Variants in TMEM63A observed in about 807,000 individuals in gnomAD.
The protein encoded by TMEM63A is mechanosensitive cation channel TMEM63A.
In TMEM63A, 76 loss-of-function variants were observed where a neutral mutation model predicts 100.6. That is an observed-to-expected ratio of 0.76 (90% CI 0.63 to 0.91). The LOEUF (loss-of-function observed/expected upper bound fraction) is 0.91, where lower values mean the gene tolerates loss of function less well. Ranked by LOEUF, TMEM63A falls within the 40% of genes least tolerant of loss-of-function variation. TMEM63A has a pLI of 0.00. For synonymous variants in TMEM63A, 401 were observed against 401.1 expected (o/e 1.00, Z 0.00); for missense variants, 876 against 1,008.8 (o/e 0.87, Z 1.78).
In TMEM63A at chr1:225,866,192, C is replaced by G; in HGVS notation, c.676-225G>C. 7.1e-6 allele frequency: 4 copies of G among 564,570 alleles called. No individual in the cohort carries two copies. In the South Asian group the frequency reaches 8.2e-5, roughly 12 times the overall value. The allele number at this position is 564,570 out of a possible 1,614,324, so 35.0% of individuals were successfully genotyped here. A position where few individuals can be genotyped will look rare whatever the true frequency, so the allele number is the denominator to read the frequency against. ...CTTCCAAAGCAACTCTATGAGCCTT[C>G]TTTGCATGGCAGGAGACTGAGAAAG... On this transcript the variant is annotated intron_variant, in intron 9 of 24. Transcript: ENST00000366835.
intron 3 of TMEM63A, among the ~76,000 whole-genome samples, chr1:225,876,364 C>A (rs547064519): frequency 6.6e-6 from 1 of 152,198 alleles, no homozygotes; most frequent in East Asian, 1.9e-4. Flanking sequence ...TAGTCTCCAG[C>A]TCCAAGCAGT....
At chr1:225,844,042 G>A (rs1158274401), downstream of TMEM63A, among the ~76,000 whole-genome samples, 2 of 152,014 alleles carry the variant, frequency 1.3e-5, no homozygotes, top group Non-Finnish European at 2.9e-5. Flanking sequence ...GGCTAGGTTT[G>A]GATTCTCCAC....
downstream of TMEM63A, among the ~76,000 whole-genome samples, chr1:225,844,047 C>T (rs1219389195): frequency 6.6e-6 from 1 of 152,086 alleles, no homozygotes; most frequent in Admixed American, 6.6e-5. Context: ...GGTTTGGATT[C>T]TCCACTTAAT....
chr1:225,872,640 C>T (rs1392038247), intron 4 of TMEM63A, among the ~76,000 whole-genome samples: 4 of 151,216 alleles, frequency 2.6e-5, no homozygotes, highest in East Asian at 1.9e-4. Flanking sequence ...ACACCCCATG[C>T]GCTATAAATC....
At chr1:225,873,629 G>A (rs1670630619) in intron 4 of TMEM63A, among the ~76,000 whole-genome samples, 1 of 152,192 alleles carries the variant, frequency 6.6e-6, no homozygotes, top group South Asian at 2.1e-4. Flanking sequence ...CAGGCGACAT[G>A]AACAGAGAAT....
rs200525950 is a variant in TMEM63A at position 225,867,343 on chromosome 1, T to C, written c.515-180A>G. 1.7e-3 allele frequency among the ~76,000 whole-genome samples: 255 copies of C among 152,212 alleles called. 1 individual carries two copies. Among genetic ancestry groups the C allele is most frequent in the Non-Finnish European group, 2.8e-3 (193 of 67,998 alleles). On this transcript the variant is annotated intron_variant, in intron 7 of 24. Transcript: ENST00000366835. The surrounding 1 kb of genome is among the most constrained non-coding windows in gnomAD (Gnocchi z 4.6). ...TCAAGGCCTCTGCTTGAAACCAAAA[T>C]GCTCCCTGATAACTTCTCAACCTTC...
chr1:225,844,327 A>G (rs1327786703), downstream of TMEM63A, among the ~76,000 whole-genome samples: 2 of 152,152 alleles, frequency 1.3e-5, no homozygotes, highest in African/African-American at 4.8e-5. Flanking sequence ...GCTCCAGTCT[A>G]GTGCCCTGGG....
At chr1:225,851,040 G>C (rs2102818955) in intron 20 of TMEM63A, among the ~76,000 whole-genome samples, 1 of 152,186 alleles carries the variant, frequency 6.6e-6, no homozygotes, top group South Asian at 2.1e-4. Context: ...CGCTGGGTCA[G>C]GGTCTGTGGG....
At chr1:225,874,150 C>A in intron 4 of TMEM63A, 138 bp downstream of exon 4, 1 of 798,550 alleles carries the variant, frequency 1.3e-6, no homozygotes, top group Non-Finnish European at 1.9e-6. Context: ...GCTTCATAAG[C>A]CCCTAGCCCA....
At chr1:225,877,663 C>T (rs927770877) in intron 2 of TMEM63A, 69 bp from the exon 3 acceptor site, 14 of 1,458,608 alleles carry the variant, frequency 9.6e-6, no homozygotes, top group Non-Finnish European at 1.3e-5. Context: ...CCCACCAGTG[C>T]TGGCAGAGCC....
intron 13 of TMEM63A, 114 bp from the exon 14 acceptor site, chr1:225,861,111 TTGTGA>T: frequency 8.2e-7 from 1 of 1,218,172 alleles, no homozygotes; most frequent in South Asian, 1.6e-5. Context: ...CTTTGCTTTG[TTGTGA>T]TTAGTGTATT....
intron 9 of TMEM63A, 120 bp downstream of exon 9, chr1:225,866,454 C>G (rs1382794368): frequency 3.8e-6 from 3 of 799,310 alleles, no homozygotes; most frequent in Non-Finnish European, 6.1e-6. Flanking sequence ...AAGCGGGGCT[C>G]CTGAGGCCCT....
At position 225,845,712 on chromosome 1, in the gene TMEM63A, A is replaced by G. The variant is rs1036642942; in HGVS notation, c.*1227T>C. 4 of 353,620 alleles carry G rather than the reference A, an allele frequency of 1.1e-5. No homozygotes were observed. The highest frequency in any genetic ancestry group is 2.1e-5 in the Non-Finnish European group (4 of 186,258). 21.9% of individuals were successfully genotyped at this position (353,620 alleles called of 1,614,324 possible). The stretch of plus-strand genomic sequence containing the variant: ...GCCAGGGCTATGCTGCACCAGACCA[A>G]TGGCACCGCCCCCACCCCTCCCAGC... On this transcript the variant is annotated 3_prime_UTR_variant, in exon 25 of 25. Transcript: ENST00000366835.
rs1670224084 is a variant in TMEM63A, at chr1:225,866,591, A to G, written c.658T>C (p.Tyr220His). The change falls in exon 9 of 25, where the codon TAC becomes CAC. Residue 220 changes from tyrosine to histidine, a missense_variant. Tyr to His is a moderately conservative substitution (Grantham distance 83, BLOSUM62 2). Transcript: ENST00000366835. ...FMRHHTQSIK[Y>H]KEENLVRRTL... is the part of the protein sequence containing the mutation. ...TCACTCACCAGGTTCTCCTCTTTGTACTTAATGGACTGAGTGTGGTGCCGC... is the reference window on the plus strand; with the variant it reads ...TCACTCACCAGGTTCTCCTCTTTGTGCTTAATGGACTGAGTGTGGTGCCGC... 1 of 1,613,914 alleles carries G rather than the reference A, an allele frequency of 6.2e-7. No individual in the cohort carries two copies. The highest frequency in any genetic ancestry group is 1.1e-5 in the South Asian group (1 of 91,076).
intron 2 of TMEM63A, among the ~76,000 whole-genome samples, chr1:225,877,980 C>A (rs560254757): frequency 6.6e-6 from 1 of 151,888 alleles, no homozygotes; most frequent in Non-Finnish European, 1.5e-5. Context: ...AAGCCACTGG[C>A]GGATCTAGAG....
chr1:225,850,712 A>C (rs1559034271), intron 20 of TMEM63A, among the ~76,000 whole-genome samples: 1 of 152,024 alleles, frequency 6.6e-6, no homozygotes, highest in African/African-American at 2.4e-5. Context: ...CTGTCAGTGT[A>C]TGTCTGTCTG....
downstream of TMEM63A, among the ~76,000 whole-genome samples, chr1:225,843,623 C>T (rs1424614072): frequency 2.0e-5 from 3 of 152,200 alleles, no homozygotes; most frequent in African/African-American, 7.2e-5. Flanking sequence ...TAGGCCACTC[C>T]TGCAGCTCTG....
Position 225,874,418 on chromosome 1 carries a change from A to AAG in TMEM63A, c.187-52_187-51insCT, listed in dbSNP as rs764106924. On this transcript the variant is annotated intron_variant, in intron 3 of 24. Coordinates refer to ENST00000366835, the MANE Select transcript of TMEM63A (RefSeq NM_014698.3). ...AAAGCATATTGGATGGCTTCTCATTAGAAGACACAGCGGTCTCAGGGGTAA... is the reference window on the plus strand; with the variant it reads ...AAAGCATATTGGATGGCTTCTCATTAAGGAAGACACAGCGGTCTCAGGGGTAA... 31 of 1,535,954 alleles carry AAG rather than the reference A, an allele frequency of 2.0e-5. No homozygotes were observed. In the South Asian group the frequency reaches 3.1e-4, roughly 15 times the overall value.
chr1:225,874,665 A>C (rs563836987), intron 3 of TMEM63A, among the ~76,000 whole-genome samples: 34 of 152,300 alleles, frequency 2.2e-4, no homozygotes, highest in African/African-American at 8.2e-4. Flanking sequence ...TCTTGCTCTC[A>C]AGGCAGCGGT....
Sources: gnomAD v4.1 joint callset for allele counts (sites outside exome capture counted in the v4.1 genomes callset) on GRCh38, gnomAD v4.1.1 for gene constraint, Gnocchi (gnomAD v3.1) non-coding constraint, MANE v1.5 for transcripts, NCBI Gene and HGNC (gene_info 2026-07-23, HGNC 2026-07-21) for gene names.